BMAL1: variants seen among roughly 807,000 people sequenced by gnomAD.
BMAL1 encodes the protein basic helix-loop-helix ARNT like 1, also known as basic helix-loop-helix ARNT-like protein 1.
At chr11:13,290,458 G>T in the BMAL1 span, among the ~76,000 whole-genome samples, 2 of 152,132 alleles carry the variant, frequency 1.3e-5, no homozygotes, top group Admixed American at 1.3e-4. Context: ...TTAGCCTGGG[G>T]GATTCATGGC....
chr11:13,377,437 A>G, the BMAL1 span, among the ~76,000 whole-genome samples: 1 of 152,076 alleles, frequency 6.6e-6, no homozygotes, highest in African/African-American at 2.4e-5. Flanking sequence ...GGAGTCCTGA[A>G]CCTTCTATCT....
the BMAL1 span, among the ~76,000 whole-genome samples, chr11:13,291,836 C>G: frequency 1.5e-4 from 2 of 13,106 alleles, no homozygotes; most frequent in African/African-American, 2.9e-4. Context: ...ACTCACATAT[C>G]TTTTGTGGGA....
the BMAL1 span, among the ~76,000 whole-genome samples, chr11:13,378,126 G>GA: frequency 9.9e-5 from 15 of 152,228 alleles, no homozygotes; most frequent in African/African-American, 3.4e-4. Context: ...TGTATGAAGG[G>GA]AAAAAACTGG....
At chr11:13,331,193 G>T in the BMAL1 span, among the ~76,000 whole-genome samples, 1 of 152,208 alleles carries the variant, frequency 6.6e-6, no homozygotes, top group Admixed American at 6.5e-5. Flanking sequence ...CAAACAATCA[G>T]CCCATGCATA....
the BMAL1 span, among the ~76,000 whole-genome samples, chr11:13,368,787 A>G: frequency 3.3e-5 from 5 of 152,202 alleles, no homozygotes; most frequent in African/African-American, 1.2e-4. Flanking sequence ...CAGTCCAATA[A>G]AAACATAATG....
chr11:13,299,746 CAG>C, the BMAL1 span, among the ~76,000 whole-genome samples: 1 of 152,168 alleles, frequency 6.6e-6, no homozygotes, highest in Admixed American at 6.5e-5. Flanking sequence ...ACTGAACCAA[CAG>C]AGGACAAGGG....
chr11:13,361,217 C>T, the BMAL1 span, among the ~76,000 whole-genome samples: 1 of 152,150 alleles, frequency 6.6e-6, no homozygotes. Flanking sequence ...TAAATCTCTG[C>T]TGGGAGATGG....
chr11:13,279,384 G>A, the BMAL1 span, among the ~76,000 whole-genome samples: 1 of 152,138 alleles, frequency 6.6e-6, no homozygotes, highest in Non-Finnish European at 1.5e-5. Flanking sequence ...TCTGACATCT[G>A]CTGTTGTTCA....
At chr11:13,372,053 ATTTT>A in the BMAL1 span, 1 of 1,423,540 alleles carries the variant, frequency 7.0e-7, no homozygotes, top group Non-Finnish European at 9.5e-7. Context: ...TGAAGCCTTG[ATTTT>A]TTTTTATTTT....
At chr11:13,359,769 C>T in the BMAL1 span, among the ~76,000 whole-genome samples, 3 of 152,178 alleles carry the variant, frequency 2.0e-5, no homozygotes, top group Non-Finnish European at 4.4e-5. Flanking sequence ...AAACCTAAGT[C>T]TTGTCCCCTT....
chr11:13,289,158 G>A, the BMAL1 span, among the ~76,000 whole-genome samples: 1 of 152,208 alleles, frequency 6.6e-6, no homozygotes, highest in Admixed American at 6.5e-5. Flanking sequence ...GCTTGTGTGA[G>A]CTAAGGAAAG....
the BMAL1 span, chr11:13,355,351 ATGAGGGCTG>A: frequency 6.4e-7 from 1 of 1,555,328 alleles, no homozygotes; most frequent in Non-Finnish European, 8.9e-7. Flanking sequence ...GAGAGTGGGT[ATGAGGGCTG>A]TGAGGGCGTT....
chr11:13,284,871 C>T, the BMAL1 span, among the ~76,000 whole-genome samples: 1 of 152,262 alleles, frequency 6.6e-6, no homozygotes, highest in South Asian at 2.1e-4. Flanking sequence ...TCTCCAGGGT[C>T]TGGTCCTGTT....
chr11:13,284,232 GTGTATA>G, the BMAL1 span, among the ~76,000 whole-genome samples: 4 of 8,096 alleles, frequency 4.9e-4, no homozygotes, highest in South Asian at 3.3e-3. Flanking sequence ...ATATATGTGT[GTGTATA>G]TATATATATA....
the BMAL1 span, chr11:13,354,388 C>G: frequency 6.2e-7 from 1 of 1,614,222 alleles, no homozygotes. Context: ...CTTTCCAGCT[C>G]TCTTGGTACC....
the BMAL1 span, among the ~76,000 whole-genome samples, chr11:13,281,984 C>G: frequency 6.6e-6 from 1 of 152,198 alleles, no homozygotes; most frequent in African/African-American, 2.4e-5. Context: ...TAGCCCTGAC[C>G]TGTCTCTCCT....
chr11:13,341,342 G>C, the BMAL1 span, among the ~76,000 whole-genome samples: 4 of 152,206 alleles, frequency 2.6e-5, no homozygotes, highest in African/African-American at 9.7e-5. Context: ...TGTGGTGAAA[G>C]GTGCAGGCCA....
At chr11:13,383,817 C>CTCCA in the BMAL1 span, among the ~76,000 whole-genome samples, 1 of 152,064 alleles carries the variant, frequency 6.6e-6, no homozygotes, top group Non-Finnish European at 1.5e-5. Context: ...TGCCACTGTA[C>CTCCA]TCCAGCCTGG....
the BMAL1 span, among the ~76,000 whole-genome samples, chr11:13,305,636 T>C: frequency 2.0e-5 from 3 of 152,252 alleles, no homozygotes; most frequent in Admixed American, 6.5e-5. Context: ...TCTAGTCCTA[T>C]GTTGAACAAG....
Sources: gnomAD v4.1 joint callset for allele counts (sites outside exome capture counted in the v4.1 genomes callset) on GRCh38, gnomAD v4.1.1 for gene constraint, MANE v1.5 for transcripts, NCBI Gene and HGNC (gene_info 2026-07-23, HGNC 2026-07-21) for gene names.